CMTM8: variants seen among roughly 807,000 people sequenced by gnomAD.
CMTM8 encodes the protein CKLF-like MARVEL transmembrane domain-containing protein 8.
A neutral mutation model predicts 18.6 loss-of-function variants in CMTM8; 12 were observed. The ratio of observed to expected loss-of-function variants is 0.65; its 90% CI spans 0.41 to 1.05. CMTM8 has a LOEUF of 1.05. CMTM8 is among the 50% of genes least tolerant of loss of function. The pLI is 0.00. For synonymous variants in CMTM8, 87 were observed against 90.6 expected (o/e 0.96, Z 0.23); for missense variants, 217 against 227.2 (o/e 0.95, Z 0.29).
intron 1 of CMTM8, among the ~76,000 whole-genome samples, chr3:32,302,009 CTGAT>C (rs1310740005): frequency 1.3e-5 from 2 of 151,238 alleles, no homozygotes; most frequent in African/African-American, 4.9e-5. Flanking sequence ...AGAGTGATCA[CTGAT>C]TGCTGACTTT....
chr3:32,340,949 C>A (rs138334580), intron 1 of CMTM8, among the ~76,000 whole-genome samples: 37 of 152,326 alleles, frequency 2.4e-4, no homozygotes, highest in African/African-American at 8.9e-4. Flanking sequence ...CAATATGGCT[C>A]CTGTGTCAAA....
intron 1 of CMTM8, among the ~76,000 whole-genome samples, chr3:32,333,478 A>G (rs1696320356): frequency 6.6e-6 from 1 of 152,156 alleles, no homozygotes. Context: ...ACCCCTGGTG[A>G]TTGTGTATAC....
intron 1 of CMTM8, among the ~76,000 whole-genome samples, chr3:32,254,318 C>T (rs1702150223): frequency 6.6e-6 from 1 of 152,162 alleles, no homozygotes; most frequent in East Asian, 1.9e-4. Context: ...AATTCCAAAA[C>T]ACTTCATGTT....
At chr3:32,300,258 ACT>A (rs1222082269) in intron 1 of CMTM8, among the ~76,000 whole-genome samples, 3 of 152,054 alleles carry the variant, frequency 2.0e-5, no homozygotes, top group African/African-American at 4.8e-5. Context: ...TTCTTCTTGG[ACT>A]CTCTGCAGCA....
chr3:32,363,641 C>T (rs563407219), intron 2 of CMTM8, among the ~76,000 whole-genome samples: 8 of 152,292 alleles, frequency 5.3e-5, no homozygotes, highest in African/African-American at 4.8e-5. Context: ...TAGCTGTGAG[C>T]GCTGCATTGG....
intron 1 of CMTM8, among the ~76,000 whole-genome samples, chr3:32,265,636 A>C (rs1219524700): frequency 2.0e-5 from 3 of 152,096 alleles, no homozygotes; most frequent in Non-Finnish European, 4.4e-5. Context: ...AGACACAAAA[A>C]ACCCTTCAAA....
intron 1 of CMTM8, among the ~76,000 whole-genome samples, chr3:32,339,863 T>A (rs112252875): frequency 0.059 from 9,049 of 152,124 alleles, 375 homozygotes; most frequent in South Asian, 0.16. Context: ...CTCGGGAGGC[T>A]GAGGCAGGAG....
At chr3:32,259,818 T>TGCCACTCACGGAGCTGAGAC (rs1164745660) in intron 1 of CMTM8, 5 of 820,196 alleles carry the variant, frequency 6.1e-6, no homozygotes, top group Non-Finnish European at 1.1e-5. Context: ...GCTGCTGAGA[T>TGCCACTCACGGAGCTGAGAC]GCCACTCACG....
chr3:32,353,757 G>T (rs183744294), intron 1 of CMTM8, among the ~76,000 whole-genome samples: 23 of 151,012 alleles, frequency 1.5e-4, no homozygotes, highest in African/African-American at 5.6e-4. Context: ...GAAGGGCGTT[G>T]TCATTTCTTA....
chr3:32,331,824 A>G (rs1299970808), intron 1 of CMTM8, among the ~76,000 whole-genome samples: 1 of 152,222 alleles, frequency 6.6e-6, no homozygotes, highest in Non-Finnish European at 1.5e-5. Flanking sequence ...TAAGGTATCT[A>G]AAGTAATCAA....
chr3:32,304,555 A>G (rs531078869), intron 1 of CMTM8, among the ~76,000 whole-genome samples: 53 of 152,360 alleles, frequency 3.5e-4, no homozygotes, highest in African/African-American at 1.1e-3. Flanking sequence ...TATATGAACA[A>G]AAGAAGCTTA....
rs766553235 is a variant in CMTM8 at position 32,367,977 on chromosome 3, G to A, written c.427G>A (p.Ala143Thr). Residue 143 changes from alanine to threonine, a missense_variant, in exon 3 of 4, where the codon GCG becomes ACG. Coordinates refer to ENST00000307526, the MANE Select transcript of CMTM8 (RefSeq NM_178868.5). ...GGACAGTCACAACTTCAACAGCTGGGCGGCCTCATCGGTGAGTAGCCCTCC... is the reference window on the plus strand; with the variant it reads ...GGACAGTCACAACTTCAACAGCTGGACGGCCTCATCGGTGAGTAGCCCTCC... Reference protein sequence around the residue: ...ERDSHNFNSWAASSFFAFLVT... With the variant: ...ERDSHNFNSWTASSFFAFLVT... 7 of 1,612,700 alleles carry A rather than the reference G, an allele frequency of 4.3e-6. No individual in the cohort carries two copies. The South Asian group carries it at 6.6e-5, about 15-fold the overall frequency.
At chr3:32,268,604 T>A (rs1299420403) in intron 1 of CMTM8, among the ~76,000 whole-genome samples, 4 of 107,474 alleles carry the variant, frequency 3.7e-5, no homozygotes, top group Admixed American at 9.1e-5. Flanking sequence ...AAAAAAAAAA[T>A]ACAGAGACCT....
intron 1 of CMTM8, among the ~76,000 whole-genome samples, chr3:32,266,300 A>G (rs1657320861): frequency 6.6e-6 from 1 of 152,264 alleles, no homozygotes; most frequent in South Asian, 2.1e-4. Flanking sequence ...CTGGTTCAAC[A>G]TATGCAAATC....
chr3:32,262,877 C>T (rs1323038198), intron 1 of CMTM8, among the ~76,000 whole-genome samples: 1 of 151,970 alleles, frequency 6.6e-6, no homozygotes. Flanking sequence ...AGTTTTCACA[C>T]ACTCAGCAAT....
chr3:32,352,747 T>G (rs949848091), intron 1 of CMTM8, among the ~76,000 whole-genome samples: 9 of 152,180 alleles, frequency 5.9e-5, no homozygotes, highest in Admixed American at 2.6e-4. Context: ...GTTGTGTTTC[T>G]TGATTTGGAT....
Position 32,353,855 on chromosome 3 carries a change from G to A in CMTM8, c.148-3518G>A, listed in dbSNP as rs1220469513. ...GTTGGAGTGCAGTGGCACGATCTCG[G>A]CTCACTGCAGCCTCTGCCTCCTGGG... is the stretch of plus-strand genomic sequence containing the variant. On this transcript the variant is annotated intron_variant, in intron 1 of 3. Coordinates refer to ENST00000307526, the MANE Select transcript of CMTM8 (RefSeq NM_178868.5). 2.7e-5 allele frequency among the ~76,000 whole-genome samples: 4 copies of A among 150,768 alleles called. No homozygotes were observed. In the South Asian group the frequency reaches 8.4e-4, roughly 32 times the overall value.
intron 1 of CMTM8, among the ~76,000 whole-genome samples, chr3:32,318,157 C>T (rs746282449): frequency 1.3e-5 from 2 of 151,188 alleles, no homozygotes; most frequent in Admixed American, 6.6e-5. Context: ...GGGATGTCAG[C>T]GGGGATTAAG....
chr3:32,261,185 A>T (rs1295751258), intron 1 of CMTM8, among the ~76,000 whole-genome samples: 1 of 151,484 alleles, frequency 6.6e-6, no homozygotes, highest in Non-Finnish European at 1.5e-5. Flanking sequence ...AAAAAAAAAG[A>T]ATAAAAACTA....
Sources: allele counts gnomAD v4.1 joint callset (sites outside exome capture counted in the v4.1 genomes callset), GRCh38; gene constraint gnomAD v4.1.1; transcripts MANE v1.5; gene names NCBI Gene and HGNC (gene_info 2026-07-23, HGNC 2026-07-21).